The following ZDHHC8 variants were observed in gnomAD, a reference collection of about 807,000 sequenced individuals.
ZDHHC8 encodes palmitoyltransferase ZDHHC8.
A neutral mutation model predicts 61.2 loss-of-function variants in ZDHHC8; 24 were observed. That is an observed-to-expected ratio of 0.39 (90% CI 0.28 to 0.55). The LOEUF is 0.55. ZDHHC8 is among the 20% of genes least tolerant of loss of function. ZDHHC8 has a pLI of 0.60. For synonymous variants in ZDHHC8, 523 were observed against 492.5 expected, an observed-to-expected ratio of 1.06 and a Z score of -0.82; for missense variants, 935 against 1,102.1, an observed-to-expected ratio of 0.85 and a Z score of 2.15.
At position 20,131,969 on chromosome 22, in the gene ZDHHC8, C is replaced by G. The variant is rs747927255; in HGVS notation, c.22C>G (p.Arg8Gly). MPRSPGT[R>G]LKPAKYIPVA... is the part of the protein sequence containing the mutation. ...CAGGATGCCCCGCAGCCCCGGGACG[C>G]GCCTCAAACCCGCCAAGTACATCCC... The change falls in exon 1 of 11, where the codon CGC becomes GGC. Residue 8 changes from arginine to glycine, a missense_variant. Arg to Gly is a moderately radical substitution (Grantham distance 125). This residue lies in a region of ZDHHC8 where 44 missense variants were observed against 36.6 expected (regional missense o/e 1.20). Coordinates refer to ENST00000334554, the MANE Select transcript of ZDHHC8 (RefSeq NM_013373.4). 5 of 1,315,094 alleles carry G rather than the reference C, an allele frequency of 3.8e-6. No homozygotes were observed. The Admixed American group carries it at 7.3e-5, about 19-fold the overall frequency. 81.5% of individuals were successfully genotyped at this position (1,315,094 alleles called of 1,614,324 possible).
rs115175984 is a variant in ZDHHC8, at chr22:20,136,966, G to T, written c.105-2228G>T. Among the ~76,000 whole-genome samples, 381 of 152,344 alleles carry T rather than the reference G, an allele frequency of 2.5e-3. 4 individuals are homozygous for T. Among genetic ancestry groups the T allele is most frequent in the African/African-American group, 8.9e-3 (368 of 41,578 alleles). ...GCCCTGAGAGCTCTGGGCCCTGGTG[G>T]GTTGGCCTGTGAGCTGGTCCCTGTT... is the stretch of plus-strand genomic sequence containing the variant. On this transcript the variant is annotated intron_variant, in intron 1 of 10. Transcript: ENST00000334554.
rs371176969 is a variant in ZDHHC8, at chr22:20,145,279, C to T, written c.2177C>T (p.Pro726Leu). 1.4e-4 allele frequency: 214 copies of T among 1,573,916 alleles called. 4 individuals carry two copies. In the East Asian group the frequency reaches 2.1e-3, roughly 16 times the overall value. Residue 726 changes from proline (P) to leucine (L), a missense_variant, in exon 11 of 11, where the codon CCG (proline) becomes CTG (leucine). This residue lies in a region of ZDHHC8 where 692 missense variants were observed against 731.4 expected (regional missense o/e 0.95). Coordinates refer to ENST00000334554, the MANE Select transcript of ZDHHC8 (RefSeq NM_013373.4). Reference protein sequence around the residue: ...TPPSKLNGQSPGLARLGPATG... With the variant: ...TPPSKLNGQSLGLARLGPATG... ...CCAAGTAAGCTTAATGGGCAGTCCC[C>T]GGGCCTGGCCCGGCTGGGACCTGCC...
chr22:20,145,897 T>C lies in ZDHHC8; in HGVS notation c.*497T>C. ...CTACTCCTAACTAACGCGTTGCCTTTCACGGACCCCGCTGGAAGCTTGTAG... is the reference window on the plus strand; with the variant it reads ...CTACTCCTAACTAACGCGTTGCCTTCCACGGACCCCGCTGGAAGCTTGTAG... On this transcript the variant is annotated 3_prime_UTR_variant, in exon 11 of 11. Coordinates refer to ENST00000334554, the MANE Select transcript of ZDHHC8 (RefSeq NM_013373.4). 1.0e-6 allele frequency: 1 copy of C among 985,794 alleles called. No homozygotes were observed. Among genetic ancestry groups the C allele is most frequent in the Non-Finnish European group, 1.2e-6 (1 of 830,072 alleles). 61.1% of individuals were successfully genotyped at this position (985,794 alleles called of 1,614,324 possible). A position where few individuals can be genotyped will look rare whatever the true frequency, so the allele number is the denominator to read the frequency against.
intron 1 of ZDHHC8, among the ~76,000 whole-genome samples, chr22:20,138,611 G>C (rs2050440972): frequency 6.6e-6 from 1 of 152,172 alleles, no homozygotes; most frequent in Admixed American, 6.5e-5. Context: ...GTGCATTCTA[G>C]AGTCCCTAAG....
At chr22:20,144,315 A>G (rs1429264672) in intron 10 of ZDHHC8, among the ~76,000 whole-genome samples, 1 of 152,172 alleles carries the variant, frequency 6.6e-6, no homozygotes, top group African/African-American at 2.4e-5. Flanking sequence ...GACTGGAGAA[A>G]GCAGGCTGGC....
rs564404347 is a variant in ZDHHC8 at position 20,147,249 on chromosome 22, G to A, written c.*1849G>A. 42 of 1,429,548 alleles carry A rather than the reference G, an allele frequency of 2.9e-5. No individual in the cohort carries two copies. Among genetic ancestry groups the A allele is most frequent in the African/African-American group, 1.3e-4 (9 of 67,092 alleles). The allele number at this position is 1,429,548 out of a possible 1,614,324, so 88.6% of individuals were successfully genotyped here. The stretch of plus-strand genomic sequence containing the variant: ...GGCCCTAGCAGGATGACAAGTAGGC[G>A]GCTCTGGGGCCCAGGACAGCCCAGC... On this transcript the variant is annotated 3_prime_UTR_variant, in exon 11 of 11. Coordinates refer to ENST00000334554, the MANE Select transcript of ZDHHC8 (RefSeq NM_013373.4).
intron 10 of ZDHHC8, 139 bp from the exon 11 acceptor site, chr22:20,145,090 C>G (rs1052237891): frequency 3.1e-6 from 2 of 636,748 alleles, no homozygotes; most frequent in Non-Finnish European, 5.1e-6. Context: ...GCCCAGAGGG[C>G]AGGGACTGCA....
At position 20,143,544 on chromosome 22, in the gene ZDHHC8, A is replaced by G. The variant is rs371107755; in HGVS notation, c.1914A>G (p.Ala638=). 1 of 1,597,046 alleles carries G rather than the reference A, an allele frequency of 6.3e-7. No homozygotes were observed. The highest frequency in any genetic ancestry group is 2.2e-5 in the East Asian group (1 of 44,664). Reference sequence around the variant, plus strand: ...CGCTGTCCAGCTCCGTGAGCCGTGCACCGCGGACGTCGTCCTCCTCCCTGC... The same window carrying G: ...CGCTGTCCAGCTCCGTGAGCCGTGCGCCGCGGACGTCGTCCTCCTCCCTGC... The part of the protein sequence containing the change: ...LSSLSSSVSR[A]PRTSSSSLQA... The change falls in exon 10 of 11, where the codon GCA becomes GCG. Residue 638 remains alanine, a synonymous_variant. Coordinates refer to ENST00000334554, the MANE Select transcript of ZDHHC8 (RefSeq NM_013373.4).
chr22:20,139,689 C>G, intron 3 of ZDHHC8, 31 bp from the exon 4 acceptor site: 1 of 1,611,190 alleles, frequency 6.2e-7, no homozygotes, highest in Non-Finnish European at 8.5e-7. Context: ...TCCCTGCCTG[C>G]CATGTGCCCT....
Position 20,139,749 on chromosome 22 carries a change from C to T in ZDHHC8, c.414C>T (p.Asn138=). 1 of 1,612,938 alleles carries T rather than the reference C, an allele frequency of 6.2e-7. No individual in the cohort carries two copies. ...EDFDHHCPWV[N]NCIGRRNYRY... is the part of the protein sequence containing the mutation. ...TTGACCACCACTGCCCCTGGGTCAA[C>T]AACTGCATCGGGCGTCGAAACTATC... The change falls in exon 4 of 11, where the codon AAC becomes AAT. Residue 138 remains asparagine (N), a synonymous_variant. Coordinates refer to ENST00000334554, the MANE Select transcript of ZDHHC8 (RefSeq NM_013373.4).
At position 20,146,437 on chromosome 22, in the gene ZDHHC8, A is replaced by G; in HGVS notation, c.*1037A>G. The G allele has an allele frequency of 1.0e-6, 1 of 985,186 alleles. No individual in the cohort carries two copies. The highest frequency in any genetic ancestry group is 1.2e-6 in the Non-Finnish European group (1 of 829,638). 61.0% of individuals were successfully genotyped at this position (985,186 alleles called of 1,614,324 possible). On this transcript the variant is annotated 3_prime_UTR_variant, in exon 11 of 11. Transcript: ENST00000334554. ...CATCTATATATCTATAATTTTATTA[A>G]AAAAAAGAAAAAGAGTTATTTTGAT...
rs1277901776 is a variant in ZDHHC8, at chr22:20,145,434, G to A, written c.*34G>A. On this transcript the variant is annotated 3_prime_UTR_variant, in exon 11 of 11. Transcript: ENST00000334554. The stretch of plus-strand genomic sequence containing the variant: ...TGCCACACATCCGCCATGGTGCCAC[G>A]GGGACCAGGACCCCACAGCGCACCC... The A allele has an allele frequency of 5.5e-6, 8 of 1,444,308 alleles. No homozygotes were observed. The highest frequency in any genetic ancestry group is 2.8e-5 in the East Asian group (1 of 35,474). The allele number at this position is 1,444,308 out of a possible 1,614,324, so 89.5% of individuals were successfully genotyped here.
chr22:20,143,824 TC>T (rs2050498412), intron 10 of ZDHHC8, 68 bp downstream of exon 10: 1 of 1,502,742 alleles, frequency 6.7e-7, no homozygotes, highest in Admixed American at 2.1e-5. Flanking sequence ...CCAGGGCCCC[TC>T]TTGGCTGGGC....
At chr22:20,133,021 C>G (rs1026561015) in intron 1 of ZDHHC8, among the ~76,000 whole-genome samples, 2 of 152,218 alleles carry the variant, frequency 1.3e-5, no homozygotes, top group African/African-American at 4.8e-5. Flanking sequence ...TGGAGAGGGG[C>G]AGGTAGGGGC....
intron 1 of ZDHHC8, among the ~76,000 whole-genome samples, chr22:20,136,473 T>C (rs2050421199): frequency 6.6e-6 from 1 of 152,076 alleles, no homozygotes; most frequent in African/African-American, 2.4e-5. Flanking sequence ...ACTTGCCCTA[T>C]CCACAGAGGG....
intron 7 of ZDHHC8, 87 bp from the exon 8 acceptor site, chr22:20,141,130 G>A: frequency 6.3e-7 from 1 of 1,581,176 alleles, no homozygotes; most frequent in Non-Finnish European, 8.6e-7. Flanking sequence ...CAGATTCTTG[G>A]GAGGGGGCTA....
At position 20,143,413 on chromosome 22, in the gene ZDHHC8, G is replaced by A. The variant is rs1433559246; in HGVS notation, c.1783G>A (p.Glu595Lys). ...YSLQQASVLS[E>K]GPRGPALRYG... is the part of the protein sequence containing the mutation. ...CCTGCAGCAGGCCAGTGTGCTGTCC[G>A]AGGGCCCCCGAGGTCCCGCGCTGCG... Residue 595 changes from glutamate (E) to lysine (K), a missense_variant, in exon 10 of 11, where the codon GAG becomes AAG. Glu to Lys is a moderately conservative substitution (Grantham distance 56). This residue lies in a region of ZDHHC8 where 692 missense variants were observed against 731.4 expected (regional missense o/e 0.95). Transcript: ENST00000334554. 26 of 1,593,088 alleles carry A rather than the reference G, an allele frequency of 1.6e-5. No individual in the cohort carries two copies. Among genetic ancestry groups the A allele is most frequent in the African/African-American group, 5.4e-5 (4 of 74,748 alleles).
Position 20,146,817 on chromosome 22 carries a change from C to T in ZDHHC8, c.*1417C>T. 1 of 1,247,086 alleles carries T rather than the reference C, an allele frequency of 8.0e-7. No homozygotes were observed. Among genetic ancestry groups the T allele is most frequent in the South Asian group, 3.5e-5 (1 of 28,630 alleles). The allele number at this position is 1,247,086 out of a possible 1,614,324, so 77.3% of individuals were successfully genotyped here. A position where few individuals can be genotyped will look rare whatever the true frequency, so the allele number is the denominator to read the frequency against. On this transcript the variant is annotated 3_prime_UTR_variant, in exon 11 of 11. Transcript: ENST00000334554. ...AGGGGCCACCTGTTGGCTCAGGGCCCTGTGGGGGCCGCTGAACCTGCTGGA... is the reference window on the plus strand; with the variant it reads ...AGGGGCCACCTGTTGGCTCAGGGCCTTGTGGGGGCCGCTGAACCTGCTGGA...
chr22:20,144,336 C>T (rs530520731), intron 10 of ZDHHC8, among the ~76,000 whole-genome samples: 26 of 152,272 alleles, frequency 1.7e-4, no homozygotes, highest in African/African-American at 5.5e-4. Context: ...TCCAGGCACC[C>T]GGCAGGTTGG....
Sources: gnomAD v4.1 joint callset for allele counts (sites outside exome capture counted in the v4.1 genomes callset) on GRCh38, gnomAD v4.1.1 for gene constraint, gnomAD v4.1.1 regional missense constraint, MANE v1.5 for transcripts, NCBI Gene and HGNC (gene_info 2026-07-23, HGNC 2026-07-21) for gene names.